Variants in RASSF5 observed in about 807,000 individuals in gnomAD.
The protein encoded by RASSF5 is Ras association domain family member 5.
A neutral mutation model predicts 40.5 loss-of-function variants in RASSF5; 25 were observed. That is an observed-to-expected ratio of 0.62 (90% CI 0.45 to 0.86). The LOEUF is 0.86. Ranked by LOEUF, RASSF5 falls within the 40% of genes least tolerant of loss-of-function variation. The pLI, the probability that RASSF5 is intolerant of heterozygous loss-of-function variation, is 0.00. For missense variants in RASSF5, 521 were observed against 572.8 expected (o/e 0.91, Z 0.92); for synonymous variants, 246 against 252.4 (o/e 0.97, Z 0.24).
intron 1 of RASSF5, among the ~76,000 whole-genome samples, chr1:206,537,483 G>C (rs542481927): frequency 6.6e-6 from 1 of 152,274 alleles, no homozygotes; most frequent in African/African-American, 2.4e-5. Context: ...TTTATAACTA[G>C]AAGCAGGCAG....
rs551042292 is a variant in RASSF5, at chr1:206,586,577, T to C, written c.1105-249T>C. ...CACAGAAACTTAAGATTATTGAGTT[T>C]CAAAATAAAAACATGGTTCATAGAC... On this transcript the variant is annotated intron_variant, in intron 5 of 5. Coordinates refer to ENST00000579436, the MANE Select transcript of RASSF5 (RefSeq NM_182663.4). The C allele has an allele frequency of 2.0e-4, 76 of 389,112 alleles. 1 individual carries two copies. Among genetic ancestry groups the C allele is most frequent in the African/African-American group, 1.5e-3 (73 of 48,140 alleles). 24.1% of individuals were successfully genotyped at this position (389,112 alleles called of 1,614,324 possible).
In RASSF5 at chr1:206,575,605, G is replaced by C. The variant is rs554440154; in HGVS notation, c.580-7664G>C. The stretch of plus-strand genomic sequence containing the variant: ...CAGCCATGCTAGCTAGCCTCCAAGA[G>C]GCCCCCATCTCCACACCCAATTCTC... On this transcript the variant is annotated intron_variant, in intron 2 of 5. Coordinates refer to ENST00000579436, the MANE Select transcript of RASSF5 (RefSeq NM_182663.4). 4.6e-5 allele frequency among the ~76,000 whole-genome samples: 7 copies of C among 152,168 alleles called. No homozygotes were observed. In the South Asian group the frequency reaches 1.5e-3, roughly 32 times the overall value.
Position 206,535,715 on chromosome 1 carries a change from G to GTGTGGT in RASSF5, c.458-2457_458-2456insTGTGGT, listed in dbSNP as rs1553398561. ...TGTGTGTGTGTGTCTGTGTGTGTGTGGTGTGTGTGTGTGTGTGTGTGTGTG... is the reference window on the plus strand; with the variant it reads ...TGTGTGTGTGTGTCTGTGTGTGTGTGTGTGGTGTGTGTGTGTGTGTGTGTGTGTGTG... On this transcript the variant is annotated intron_variant, in intron 1 of 5. Coordinates refer to ENST00000579436, the MANE Select transcript of RASSF5 (RefSeq NM_182663.4). The surrounding 1 kb of genome is among the most constrained non-coding windows in gnomAD (Gnocchi z 5.0). Among the ~76,000 whole-genome samples, 5 of 145,008 alleles carry GTGTGGT rather than the reference G, an allele frequency of 3.4e-5. No individual in the cohort carries two copies.
chr1:206,576,342 C>T (rs1391869339), intron 2 of RASSF5, among the ~76,000 whole-genome samples: 9 of 152,152 alleles, frequency 5.9e-5, no homozygotes, highest in African/African-American at 2.2e-4. Context: ...TGTTTGGGAG[C>T]GAGTCACAGA....
At chr1:206,520,720 A>G (rs1666884107) in intron 1 of RASSF5, among the ~76,000 whole-genome samples, 3 of 152,064 alleles carry the variant, frequency 2.0e-5, no homozygotes, top group Admixed American at 6.6e-5. Context: ...AACCTCTCTG[A>G]GCCTCATTTT....
At chr1:206,526,510 G>A (rs1667101571) in intron 1 of RASSF5, among the ~76,000 whole-genome samples, 1 of 152,168 alleles carries the variant, frequency 6.6e-6, no homozygotes, top group Non-Finnish European at 1.5e-5. Flanking sequence ...GGAGTGGGGA[G>A]TTTCCATTCC....
chr1:206,588,332 A>G lies in RASSF5; in HGVS notation c.*1354A>G, dbSNP rs1398947562. 6.6e-6 allele frequency: 1 copy of G among 152,426 alleles called. No homozygotes were observed. Among genetic ancestry groups the G allele is most frequent in the African/African-American group, 2.4e-5 (1 of 41,450 alleles). The allele number at this position is 152,426 out of a possible 1,614,324, so 9.4% of individuals were successfully genotyped here. A position where few individuals can be genotyped will look rare whatever the true frequency, so the allele number is the denominator to read the frequency against. ...ACTCCAATCAGTGATACCAGACCAC[A>G]TTGACAGGGAGGATCAAATTCCTGA... On this transcript the variant is annotated 3_prime_UTR_variant, in exon 6 of 6. Transcript: ENST00000579436.
chr1:206,555,952 C>T (rs1405141957), intron 2 of RASSF5, among the ~76,000 whole-genome samples: 1 of 152,184 alleles, frequency 6.6e-6, no homozygotes, highest in Non-Finnish European at 1.5e-5. Context: ...TCTAGTCCTC[C>T]ACCCAGCTTA....
At chr1:206,578,158 C>T (rs371863146) in intron 2 of RASSF5, among the ~76,000 whole-genome samples, 1 of 150,944 alleles carries the variant, frequency 6.6e-6, no homozygotes, top group East Asian at 1.9e-4. Flanking sequence ...CCTAGGAGGT[C>T]GAGGCTGCAG....
intron 5 of RASSF5, chr1:206,586,549 C>CCG: frequency 6.6e-6 from 2 of 304,632 alleles, no homozygotes; most frequent in South Asian, 3.8e-5. Flanking sequence ...ATCTCGGCTG[C>CCG]TACACAGAAA....
chr1:206,574,550 AC>A (rs1400938146), intron 2 of RASSF5, among the ~76,000 whole-genome samples: 1 of 152,018 alleles, frequency 6.6e-6, no homozygotes, highest in Non-Finnish European at 1.5e-5. Context: ...CTGTTAATAC[AC>A]CCTACCAGAG....
Position 206,552,461 on chromosome 1 carries a change from G to T in RASSF5, c.579+14168G>T, listed in dbSNP as rs1171944768. 6.6e-6 allele frequency among the ~76,000 whole-genome samples: 1 copy of T among 152,188 alleles called. No homozygotes were observed. Among genetic ancestry groups the T allele is most frequent in the Non-Finnish European group, 1.5e-5 (1 of 68,024 alleles). On this transcript the variant is annotated intron_variant, in intron 2 of 5. Coordinates refer to ENST00000579436, the MANE Select transcript of RASSF5 (RefSeq NM_182663.4). The surrounding 1 kb of genome is among the most constrained non-coding windows in gnomAD (Gnocchi z 4.1). ...GCAAGAGCTAAGCCACAAGAGGGAA[G>T]GGTGGCTTCTGGGAATGTGGATCGA...
chr1:206,561,560 A>T (rs1668143381), intron 2 of RASSF5, among the ~76,000 whole-genome samples: 1 of 152,078 alleles, frequency 6.6e-6, no homozygotes, highest in Non-Finnish European at 1.5e-5. Flanking sequence ...TTAATAGATA[A>T]ACCTCTATCT....
chr1:206,586,767 C>A, intron 5 of RASSF5, 59 bp from the exon 6 acceptor site: 1 of 1,391,994 alleles, frequency 7.2e-7, no homozygotes, highest in Admixed American at 1.8e-5. Context: ...CAGGTCGTGT[C>A]AACTTCTAAC....
intron 2 of RASSF5, among the ~76,000 whole-genome samples, chr1:206,568,140 C>A (rs1668334075): frequency 6.6e-6 from 1 of 152,112 alleles, no homozygotes; most frequent in African/African-American, 2.4e-5. Context: ...CTTTGCCAGG[C>A]CATTTAGGGG....
chr1:206,512,759 G>C (rs1218328765), intron 1 of RASSF5, among the ~76,000 whole-genome samples: 3 of 152,218 alleles, frequency 2.0e-5, no homozygotes, highest in Non-Finnish European at 2.9e-5. Context: ...GTGTGAGCAG[G>C]TCAGGGGCCA....
Position 206,584,638 on chromosome 1 carries a change from T to C in RASSF5, c.942T>C (p.Asn314=). ...TCAAGAAGTTCATGGTTGTGGACAA[T>C]CCCCAGAAGTTTGCACTTTTTAAGC... The part of the protein sequence containing the change: ...GLLKKFMVVD[N]PQKFALFKRI... Residue 314 remains asparagine, a synonymous_variant, in exon 4 of 6, where the codon AAT becomes AAC. Coordinates refer to ENST00000579436, the MANE Select transcript of RASSF5 (RefSeq NM_182663.4). The surrounding 1 kb of genome is among the most constrained non-coding windows in gnomAD (Gnocchi z 4.9). 6.2e-7 allele frequency: 1 copy of C among 1,614,146 alleles called. No homozygotes were observed. Among genetic ancestry groups the C allele is most frequent in the Non-Finnish European group, 8.5e-7 (1 of 1,180,034 alleles).
chr1:206,574,403 C>G (rs1311640721), intron 2 of RASSF5, among the ~76,000 whole-genome samples: 1 of 152,232 alleles, frequency 6.6e-6, no homozygotes, highest in Non-Finnish European at 1.5e-5. Flanking sequence ...CTTTCACGAT[C>G]CTCACCCATA....
intron 1 of RASSF5, among the ~76,000 whole-genome samples, chr1:206,510,738 G>A (rs1553394534): frequency 6.6e-6 from 1 of 152,206 alleles, no homozygotes; most frequent in South Asian, 2.1e-4. Flanking sequence ...TTCTTTGCCT[G>A]GCATAGGGGC....
Sources: allele counts gnomAD v4.1 joint callset (sites outside exome capture counted in the v4.1 genomes callset), GRCh38; gene constraint gnomAD v4.1.1; non-coding constraint Gnocchi (gnomAD v3.1); transcripts MANE v1.5; gene names NCBI Gene and HGNC (gene_info 2026-07-23, HGNC 2026-07-21).